ENPP3: variants seen among roughly 807,000 people sequenced by gnomAD.
ENPP3 encodes the protein ectonucleotide pyrophosphatase/phosphodiesterase 3, also known as ectonucleotide pyrophosphatase/phosphodiesterase family member 3.
ENPP3 carries 104 observed loss-of-function variants against 117.8 expected under a neutral mutation model. That is an observed-to-expected ratio of 0.88 (90% confidence interval 0.75 to 1.04). The LOEUF (loss-of-function observed/expected upper bound fraction) is 1.04, where lower values mean the gene tolerates loss of function less well. Among genes scored for constraint, ENPP3 ranks in the 50% least tolerant of loss-of-function variants. ENPP3 has a pLI of 0.00. For synonymous variants in ENPP3, 380 were observed against 349.9 expected, an observed-to-expected ratio of 1.09 and a Z score of -0.96; for missense variants, 1,026 against 1,051.9, an observed-to-expected ratio of 0.98 and a Z score of 0.34.
chr6:131,721,020 A>C (rs1180088405), intron 17 of ENPP3, among the ~76,000 whole-genome samples: 1 of 152,212 alleles, frequency 6.6e-6, no homozygotes, highest in Non-Finnish European at 1.5e-5. Flanking sequence ...CTAAAAACAC[A>C]AACATTTTCT....
intron 1 of ENPP3, among the ~76,000 whole-genome samples, chr6:131,638,219 A>G (rs1287379128): frequency 6.6e-6 from 1 of 152,144 alleles, no homozygotes; most frequent in Non-Finnish European, 1.5e-5. Flanking sequence ...GTTCATAACA[A>G]CAATAACTTC....
At chr6:131,730,005 T>A (rs1201734143) in intron 20 of ENPP3, among the ~76,000 whole-genome samples, 1 of 152,200 alleles carries the variant, frequency 6.6e-6, no homozygotes, top group East Asian at 1.9e-4. Flanking sequence ...ACAGCCTCAT[T>A]AAAAATTACA....
chr6:131,674,757 A>T (rs1010340177), intron 8 of ENPP3, among the ~76,000 whole-genome samples: 24 of 151,816 alleles, frequency 1.6e-4, no homozygotes, highest in African/African-American at 5.6e-4. Context: ...TTTTTAGTAG[A>T]GATGGGGTTT....
At chr6:131,721,629 A>G (rs2064215935) in intron 17 of ENPP3, among the ~76,000 whole-genome samples, 1 of 152,194 alleles carries the variant, frequency 6.6e-6, no homozygotes, top group Admixed American at 6.6e-5. Flanking sequence ...TTTCATAGAA[A>G]AAAATGAAGA....
chr6:131,719,558 T>C (rs182323337), intron 16 of ENPP3, among the ~76,000 whole-genome samples: 54 of 152,268 alleles, frequency 3.5e-4, no homozygotes, highest in African/African-American at 1.2e-3. Context: ...TTACTATTAA[T>C]TGGGGTACTA....
intron 15 of ENPP3, chr6:131,708,920 G>C (rs1238291006): frequency 1.9e-6 from 3 of 1,606,654 alleles, no homozygotes; most frequent in African/African-American, 1.4e-5. Flanking sequence ...CCGCTGATTG[G>C]AGCAAGAGGT....
At chr6:131,671,618 C>T (rs1295803599) in intron 7 of ENPP3, among the ~76,000 whole-genome samples, 1 of 152,148 alleles carries the variant, frequency 6.6e-6, no homozygotes, top group African/African-American at 2.4e-5. Context: ...CTTTCGATTG[C>T]CCTTTGTTTA....
rs201089811 is a variant in ENPP3, at chr6:131,740,378, C to A, written c.2455C>A (p.Pro819Thr). 1 of 1,603,760 alleles carries A rather than the reference C, an allele frequency of 6.2e-7. No homozygotes were observed. Among genetic ancestry groups the A allele is most frequent in the Non-Finnish European group, 8.5e-7 (1 of 1,175,160 alleles). Residue 819 changes from proline (P) to threonine (T), a missense_variant and splice_region_variant, in exon 24 of 25, where the codon CCT becomes ACT. Transcript: ENST00000357639. ...CCGACCTACCAACGTGGAGAGCTGT[C>A]CTGTGAGTATGCTTTGGGAGGGTCC... is the stretch of plus-strand genomic sequence containing the variant. ...PHRPTNVESC[P>T]EGKPEALWVE...
intron 23 of ENPP3, among the ~76,000 whole-genome samples, chr6:131,739,665 C>T (rs1780484491): frequency 1.5e-5 from 2 of 131,682 alleles, no homozygotes; most frequent in Admixed American, 9.0e-5. Context: ...TGGACTTCTA[C>T]TGTAATCTCT....
chr6:131,646,976 T>G (rs1778165556), intron 2 of ENPP3, among the ~76,000 whole-genome samples: 1 of 149,614 alleles, frequency 6.7e-6, no homozygotes, highest in African/African-American at 2.4e-5. Context: ...CAGCTACTTT[T>G]TTTTTTTTTT....
chr6:131,664,614 C>G (rs1197237975), intron 6 of ENPP3, among the ~76,000 whole-genome samples: 1 of 152,144 alleles, frequency 6.6e-6, no homozygotes, highest in Non-Finnish European at 1.5e-5. Context: ...CTGACTTACT[C>G]AGAGCAACTT....
chr6:131,642,492 T>C (rs1778068160), intron 2 of ENPP3, among the ~76,000 whole-genome samples: 2 of 152,198 alleles, frequency 1.3e-5, no homozygotes, highest in Admixed American at 1.3e-4. Context: ...GAATTACCTA[T>C]AATCTTTTTA....
chr6:131,690,285 A>T (rs1175259851), intron 14 of ENPP3, among the ~76,000 whole-genome samples: 2 of 152,206 alleles, frequency 1.3e-5, no homozygotes, highest in Admixed American at 1.3e-4. Context: ...GGGTCCACTG[A>T]TGCAGCCACC....
intron 1 of ENPP3, among the ~76,000 whole-genome samples, chr6:131,638,802 CT>C (rs373870303): frequency 0.024 from 3,577 of 146,030 alleles, 142 homozygotes; most frequent in African/African-American, 0.084. Flanking sequence ...CACACAATTT[CT>C]TTTTTTTTTT....
At position 131,740,683 on chromosome 6, in the gene ENPP3, T is replaced by C. The variant is rs142790727; in HGVS notation, c.2457+303T>C. Among the ~76,000 whole-genome samples, 208 of 152,320 alleles carry C rather than the reference T, an allele frequency of 1.4e-3. 3 individuals carry two copies. Among genetic ancestry groups the C allele is most frequent in the African/African-American group, 4.8e-3 (201 of 41,574 alleles). ...TCTTGTTAATCTCTTTTTTCTTTTTTTATTTATAACATGACAATTGTATGT... is the reference window on the plus strand; with the variant it reads ...TCTTGTTAATCTCTTTTTTCTTTTTCTATTTATAACATGACAATTGTATGT... On this transcript the variant is annotated intron_variant, in intron 24 of 24. Transcript: ENST00000357639.
intron 4 of ENPP3, 77 bp from the exon 5 acceptor site, chr6:131,652,754 C>A: frequency 7.5e-6 from 12 of 1,593,884 alleles, no homozygotes; most frequent in Non-Finnish European, 1.0e-5. Flanking sequence ...CTGCAAAAAT[C>A]AAAACACATC....
At chr6:131,691,201 T>C (rs1001383217) in intron 14 of ENPP3, among the ~76,000 whole-genome samples, 12 of 152,142 alleles carry the variant, frequency 7.9e-5, no homozygotes, top group African/African-American at 2.7e-4. Flanking sequence ...GAGCTTATTC[T>C]GGACAGAATT....
At chr6:131,679,006 C>T (rs1366461902) in intron 11 of ENPP3, among the ~76,000 whole-genome samples, 8 of 76,214 alleles carry the variant, frequency 1.0e-4, no homozygotes, top group African/African-American at 4.8e-4. Context: ...TCCTTGCTTC[C>T]TTCCTTCCTT....
intron 15 of ENPP3, chr6:131,701,314 A>G: frequency 6.2e-7 from 1 of 1,609,058 alleles, no homozygotes; most frequent in Non-Finnish European, 8.5e-7. Context: ...AACAGGGAGA[A>G]GAGCCCAAAG....
Sources: allele counts gnomAD v4.1 joint callset (sites outside exome capture counted in the v4.1 genomes callset), GRCh38; gene constraint gnomAD v4.1.1; transcripts MANE v1.5; gene names NCBI Gene and HGNC (gene_info 2026-07-23, HGNC 2026-07-21).